Variants in PNLIPRP3 observed in about 807,000 individuals in gnomAD.
PNLIPRP3 encodes the protein pancreatic lipase-related protein 3.
In PNLIPRP3, 58 loss-of-function variants were observed where a neutral mutation model predicts 52.8. That is an observed-to-expected ratio of 1.10 (90% CI 0.89 to 1.37). The LOEUF is 1.37. PNLIPRP3 is among the 40% of genes most tolerant of loss of function. The pLI is 0.00. For missense variants in PNLIPRP3, 593 were observed against 561.6 expected, an observed-to-expected ratio of 1.06 and a Z score of -0.57; for synonymous variants, 192 against 185.0, an observed-to-expected ratio of 1.04 and a Z score of -0.31.
rs146821987 is a variant in PNLIPRP3, at chr10:116,441,110, G to A, written c.205-1945G>A. Among the ~76,000 whole-genome samples the A allele has an allele frequency of 5.4e-3, 820 of 152,250 alleles. 5 individuals are homozygous for A. Among genetic ancestry groups the A allele is most frequent in the African/African-American group, 0.018 (761 of 41,534 alleles). On this transcript the variant is annotated intron_variant, in intron 2 of 11. Transcript: ENST00000369230. ...TGTCTTCTTTTGATCCCATGATGGTGTATGGAGTTTCCCACATTTATGTTG... is the reference window on the plus strand; with the variant it reads ...TGTCTTCTTTTGATCCCATGATGGTATATGGAGTTTCCCACATTTATGTTG...
At position 116,465,879 on chromosome 10, in the gene PNLIPRP3, C is replaced by A. The variant is rs113265812; in HGVS notation, c.809-171C>A. On this transcript the variant is annotated intron_variant, in intron 7 of 11. Coordinates refer to ENST00000369230, the MANE Select transcript of PNLIPRP3 (RefSeq NM_001011709.3). ...TTTTGAGTCACATAATTCTTTGGTA[C>A]AAATAAAATTATATGTAACTTTGAT... Among the ~76,000 whole-genome samples, 432 of 152,266 alleles carry A rather than the reference C, an allele frequency of 2.8e-3. 3 individuals are homozygous for A. Among genetic ancestry groups the A allele is most frequent in the African/African-American group, 0.01 (417 of 41,562 alleles).
chr10:116,445,906 C>A (rs1845941662), intron 4 of PNLIPRP3, among the ~76,000 whole-genome samples: 1 of 151,990 alleles, frequency 6.6e-6, no homozygotes, highest in Non-Finnish European at 1.5e-5. Context: ...CAATTCACCA[C>A]CTGGATTGGT....
At chr10:116,461,835 G>T (rs567186566) in intron 7 of PNLIPRP3, among the ~76,000 whole-genome samples, 1 of 152,294 alleles carries the variant, frequency 6.6e-6, no homozygotes, top group East Asian at 1.9e-4. Context: ...TAGCCTTATA[G>T]ACACCAAGGG....
chr10:116,443,781 GTGTGTA>G (rs1845896351), intron 3 of PNLIPRP3, among the ~76,000 whole-genome samples: 3 of 45,314 alleles, frequency 6.6e-5, no homozygotes, highest in Non-Finnish European at 1.8e-4. Context: ...GTGTGTGTGT[GTGTGTA>G]TGTATGTGTG....
chr10:116,477,030 G>A, intron 11 of PNLIPRP3, 60 bp from the exon 12 acceptor site: 2 of 1,392,610 alleles, frequency 1.4e-6, no homozygotes, highest in Non-Finnish European at 2.0e-6. Context: ...GATCTACCGT[G>A]TCTTTTTCTT....
chr10:116,461,715 A>G (rs1846194737), intron 7 of PNLIPRP3, among the ~76,000 whole-genome samples: 1 of 152,212 alleles, frequency 6.6e-6, no homozygotes, highest in African/African-American at 2.4e-5. Flanking sequence ...GACAAAATAA[A>G]GCATTGAAGG....
At chr10:116,471,276 C>A (rs960704489) in intron 9 of PNLIPRP3, among the ~76,000 whole-genome samples, 1 of 152,140 alleles carries the variant, frequency 6.6e-6, no homozygotes, top group Non-Finnish European at 1.5e-5. Flanking sequence ...GCATTCTTAG[C>A]ACATATCCCT....
At chr10:116,434,263 T>G (rs1845747261) in intron 1 of PNLIPRP3, among the ~76,000 whole-genome samples, 1 of 152,196 alleles carries the variant, frequency 6.6e-6, no homozygotes, top group African/African-American at 2.4e-5. Flanking sequence ...TTAAAACCAC[T>G]GGGATTCACC....
chr10:116,468,321 A>C (rs973862873), intron 8 of PNLIPRP3, among the ~76,000 whole-genome samples: 43 of 152,164 alleles, frequency 2.8e-4, no homozygotes, highest in Non-Finnish European at 8.8e-5. Flanking sequence ...AAAGAAAAAT[A>C]AAAATGAAGG....
intron 4 of PNLIPRP3, among the ~76,000 whole-genome samples, chr10:116,447,002 C>A (rs1845962930): frequency 6.6e-6 from 1 of 151,992 alleles, no homozygotes; most frequent in Admixed American, 6.6e-5. Flanking sequence ...TATCTAGGGG[C>A]CAATGAGAAC....
intron 7 of PNLIPRP3, 141 bp downstream of exon 7, chr10:116,461,431 C>T (rs1209719510): frequency 1.9e-6 from 2 of 1,038,772 alleles, no homozygotes; most frequent in African/African-American, 3.3e-5. Flanking sequence ...AGAAGCTCTC[C>T]CACCTGTTCT....
At chr10:116,431,280 C>T (rs1212152230) in intron 1 of PNLIPRP3, among the ~76,000 whole-genome samples, 1 of 152,146 alleles carries the variant, frequency 6.6e-6, no homozygotes, top group Non-Finnish European at 1.5e-5. Flanking sequence ...GTCCATGTCA[C>T]TTTTCTGCTC....
At chr10:116,442,429 A>G (rs968386470) in intron 2 of PNLIPRP3, among the ~76,000 whole-genome samples, 14 of 152,338 alleles carry the variant, frequency 9.2e-5, no homozygotes, top group South Asian at 4.1e-4. Flanking sequence ...CATGAATTAC[A>G]CTGATCACTG....
intron 5 of PNLIPRP3, 101 bp from the exon 6 acceptor site, chr10:116,460,865 T>C: frequency 6.8e-7 from 1 of 1,471,660 alleles, no homozygotes; most frequent in Non-Finnish European, 9.2e-7. Context: ...TGAGTGATCT[T>C]TGATTGATAG....
intron 5 of PNLIPRP3, 134 bp from the exon 6 acceptor site, chr10:116,460,832 G>A: frequency 8.4e-7 from 1 of 1,191,178 alleles, no homozygotes; most frequent in Non-Finnish European, 1.2e-6. Context: ...TATAGATTTA[G>A]GTTATGTATC....
intron 2 of PNLIPRP3, among the ~76,000 whole-genome samples, chr10:116,437,464 G>C (rs1845791033): frequency 6.6e-6 from 1 of 152,166 alleles, no homozygotes; most frequent in Non-Finnish European, 1.5e-5. Context: ...ACATAAAGGA[G>C]AGAAACCACA....
chr10:116,451,082 G>A (rs1038444454), intron 4 of PNLIPRP3, among the ~76,000 whole-genome samples: 1 of 152,116 alleles, frequency 6.6e-6, no homozygotes, highest in Admixed American at 6.5e-5. Flanking sequence ...TGTGGCACTG[G>A]CATAAAGACA....
intron 5 of PNLIPRP3, among the ~76,000 whole-genome samples, chr10:116,459,498 A>C (rs1846160771): frequency 6.6e-6 from 1 of 152,102 alleles, no homozygotes; most frequent in African/African-American, 2.4e-5. Context: ...CCTGCTTGCA[A>C]GCTTACAACA....
In PNLIPRP3 at chr10:116,455,783, T is replaced by G; in HGVS notation, c.518T>G (p.Leu173Arg). ...HLIGHSLGAH[L>R]AGEAGSRIPG... ...ATTGGCCACAGCTTGGGAGCACACC[T>G]GGCTGGGGAAGCTGGGTCAAGGATA... is the stretch of plus-strand genomic sequence containing the variant. The change falls in exon 5 of 12, where the codon CTG becomes CGG. Residue 173 changes from leucine to arginine, a missense_variant. Physicochemically the swap from Leu to Arg is moderately radical, Grantham distance 102. Coordinates refer to ENST00000369230, the MANE Select transcript of PNLIPRP3 (RefSeq NM_001011709.3). 6.2e-7 allele frequency: 1 copy of G among 1,613,818 alleles called. No individual in the cohort carries two copies.
Sources: allele counts gnomAD v4.1 joint callset (sites outside exome capture counted in the v4.1 genomes callset), GRCh38; gene constraint gnomAD v4.1.1; transcripts MANE v1.5; gene names NCBI Gene and HGNC (gene_info 2026-07-23, HGNC 2026-07-21).